Variants in TG observed in about 807,000 individuals in gnomAD.
The protein encoded by TG is thyroglobulin.
In TG, 270 loss-of-function variants were observed where a neutral mutation model predicts 324.7. The ratio of observed to expected loss-of-function variants is 0.83; its 90% CI spans 0.75 to 0.92. The LOEUF (loss-of-function observed/expected upper bound fraction) is 0.92. TG is among the 40% of genes least tolerant of loss of function. The pLI, the probability that TG is intolerant of heterozygous loss-of-function variation, is 0.00. For synonymous variants in TG, 1,401 were observed against 1,327.0 expected (o/e 1.06, Z -1.21); for missense variants, 3,591 against 3,456.4 (o/e 1.04, Z -0.98).
At chr8:133,103,864 G>C (rs1849553877) in intron 43 of TG, among the ~76,000 whole-genome samples, 1 of 152,222 alleles carries the variant, frequency 6.6e-6, no homozygotes, top group Admixed American at 6.5e-5. Context: ...AACAGATAAA[G>C]CTTCTGACTC....
In TG at chr8:132,869,809, C is replaced by G. The variant is rs772551103; in HGVS notation, c.257C>G (p.Pro86Arg). ...AGTGAAGTGCTGGGCAGCAGGCAGC[C>G]AGGACGGCCTGTGGCTTGTAAGTGG... ...NGSEVLGSRQ[P>R]GRPVACLSFC... The change falls in exon 3 of 48, where the codon CCA (proline) becomes CGA (arginine). Residue 86 changes from proline (P) to arginine (R), a missense_variant. By Grantham distance (103) the Pro-to-Arg change is moderately radical. Transcript: ENST00000220616. 8 of 1,614,030 alleles carry G rather than the reference C, an allele frequency of 5.0e-6. No homozygotes were observed. The South Asian group carries it at 8.8e-5, about 18-fold the overall frequency.
Position 132,888,258 on chromosome 8 carries a change from C to T in TG, c.2451C>T (p.Phe817=), listed in dbSNP as rs1039014312. 5.0e-6 allele frequency: 8 copies of T among 1,614,228 alleles called. No individual in the cohort carries two copies. The highest frequency in any genetic ancestry group is 6.8e-6 in the Non-Finnish European group (8 of 1,180,042). ...ACAGAGAAGCAGCTTCCGGAAACTT[C>T]AGTCTCTTTATTCAAAGTCTGTATG... ...MSYREAASGN[F]SLFIQSLYEA... The change falls in exon 10 of 48, where the codon TTC becomes TTT. Residue 817 remains phenylalanine, a synonymous_variant. Transcript: ENST00000220616.
At chr8:133,093,221 G>A (rs907317224) in intron 41 of TG, among the ~76,000 whole-genome samples, 6 of 151,884 alleles carry the variant, frequency 4.0e-5, no homozygotes, top group African/African-American at 1.2e-4. Context: ...AAACCTGAGG[G>A]CACAAGAACT....
Position 132,881,936 on chromosome 8 carries a change from G to A in TG, c.712G>A (p.Ala238Thr), listed in dbSNP as rs769816089. The change falls in exon 6 of 48, where the codon GCT (alanine) becomes ACT (threonine). Residue 238 changes from alanine (A) to threonine (T), a missense_variant. Coordinates refer to ENST00000220616, the MANE Select transcript of TG (RefSeq NM_003235.5). Reference sequence around the variant, plus strand: ...TGAGGTATCTGGGTATTGCCACTGTGCTGACAGCCAAGGGCGGGAACTGGC... The same window carrying A: ...TGAGGTATCTGGGTATTGCCACTGTACTGACAGCCAAGGGCGGGAACTGGC... ...FPEVSGYCHC[A>T]DSQGRELAET... 6.2e-6 allele frequency: 10 copies of A among 1,614,114 alleles called. No homozygotes were observed. Among genetic ancestry groups the A allele is most frequent in the Non-Finnish European group, 8.5e-6 (10 of 1,179,944 alleles).
chr8:133,067,238 C>T (rs1002516323), intron 41 of TG, among the ~76,000 whole-genome samples: 8 of 152,198 alleles, frequency 5.3e-5, no homozygotes, highest in African/African-American at 1.9e-4. Context: ...CCGTGACCCA[C>T]ATAGTCCCCT....
chr8:133,038,542 T>A, intron 41 of TG: 3 of 1,612,696 alleles, frequency 1.9e-6, no homozygotes, highest in Non-Finnish European at 1.7e-6. Context: ...CAAAGTAAGG[T>A]GGTGATGAGA....
chr8:132,902,778 C>T (rs1160728865), intron 16 of TG, among the ~76,000 whole-genome samples: 2 of 152,172 alleles, frequency 1.3e-5, no homozygotes, highest in East Asian at 3.9e-4. Context: ...CCGGTGTGGC[C>T]TCCTCCAGGA....
At chr8:132,877,267 G>T (rs1400406043) in intron 5 of TG, among the ~76,000 whole-genome samples, 1 of 152,038 alleles carries the variant, frequency 6.6e-6, no homozygotes, top group Non-Finnish European at 1.5e-5. Flanking sequence ...AGCCTCCCAA[G>T]TAGCTGGGAT....
At position 133,075,845 on chromosome 8, in the gene TG, G is replaced by T. The variant is rs181532007; in HGVS notation, c.7240-19199G>T. ...CAAACGGGACAAAATGTTAATACTT[G>T]GTGAGCCTAGGTGAAGGGGATATAG... On this transcript the variant is annotated intron_variant, in intron 41 of 47. Coordinates refer to ENST00000220616, the MANE Select transcript of TG (RefSeq NM_003235.5). Among the ~76,000 whole-genome samples the T allele has an allele frequency of 3.2e-3, 492 of 152,216 alleles. 5 individuals are homozygous for T. The highest frequency in any genetic ancestry group is 0.011 in the African/African-American group (465 of 41,508).
intron 33 of TG, 88 bp downstream of exon 33, chr8:132,971,961 A>G: frequency 4.2e-6 from 4 of 947,766 alleles, no homozygotes; most frequent in Non-Finnish European, 6.9e-6. Context: ...ACAAATCCTC[A>G]GCATCTCCTA....
intron 20 of TG, among the ~76,000 whole-genome samples, chr8:132,915,937 C>T (rs1380116885): frequency 6.6e-6 from 1 of 152,182 alleles, no homozygotes; most frequent in East Asian, 1.9e-4. Flanking sequence ...TACCAAAAGC[C>T]CTGAATTTTC....
At chr8:132,867,580 C>CG (rs1266263919) in intron 1 of TG, among the ~76,000 whole-genome samples, 15 of 146,110 alleles carry the variant, frequency 1.0e-4, no homozygotes, top group African/African-American at 3.8e-4. Flanking sequence ...CCTCATGATG[C>CG]GGTTGTGATT....
intron 5 of TG, among the ~76,000 whole-genome samples, chr8:132,876,064 TGGG>T (rs1056627397): frequency 1.3e-5 from 2 of 152,076 alleles, no homozygotes; most frequent in Non-Finnish European, 2.9e-5. Context: ...ATGTGAAGCT[TGGG>T]GTTGGGGAAG....
At chr8:133,128,330 A>ATAGC (rs1851679026) in intron 45 of TG, among the ~76,000 whole-genome samples, 1 of 92,208 alleles carries the variant, frequency 1.1e-5, no homozygotes, top group African/African-American at 4.1e-5. Flanking sequence ...ACTGAAACAA[A>ATAGC]AGGCGTGCAC....
chr8:133,133,336 G>A (rs1402563368), intron 46 of TG, 134 bp from the exon 47 acceptor site: 6 of 910,894 alleles, frequency 6.6e-6, no homozygotes, highest in Non-Finnish European at 1.1e-5. Context: ...GATTTAGGGA[G>A]TTCACATGCA....
At chr8:133,128,649 G>C (rs1287163968) in intron 45 of TG, among the ~76,000 whole-genome samples, 1 of 152,180 alleles carries the variant, frequency 6.6e-6, no homozygotes, top group African/African-American at 2.4e-5. Context: ...TCTTGGGCAG[G>C]TAGCTTTCCC....
chr8:133,084,758 C>G (rs1279677635), intron 41 of TG, among the ~76,000 whole-genome samples: 1 of 152,232 alleles, frequency 6.6e-6, no homozygotes, highest in Admixed American at 6.5e-5. Context: ...CGCTCCCCCA[C>G]AGGGGCCTGG....
chr8:133,039,036 C>T (rs772620571), intron 41 of TG, among the ~76,000 whole-genome samples: 59 of 152,266 alleles, frequency 3.9e-4, no homozygotes, highest in Non-Finnish European at 7.1e-4. Flanking sequence ...CACCACCACG[C>T]CCAGCTAATT....
intron 26 of TG, among the ~76,000 whole-genome samples, chr8:132,944,019 A>C (rs762036006): frequency 5.9e-5 from 9 of 152,152 alleles, no homozygotes; most frequent in Non-Finnish European, 1.5e-5. Flanking sequence ...CCATACACGC[A>C]TCTGCTGTCC....
Sources: allele counts gnomAD v4.1 joint callset (sites outside exome capture counted in the v4.1 genomes callset), GRCh38; gene constraint gnomAD v4.1.1; transcripts MANE v1.5; gene names NCBI Gene and HGNC (gene_info 2026-07-23, HGNC 2026-07-21).